The following EPB41 variants were observed in gnomAD, a reference collection of about 807,000 sequenced individuals.
EPB41 encodes the protein protein 4.1.
Under a neutral mutation model 108.0 loss-of-function variants are expected in EPB41, and 65 were observed. The observed-to-expected ratio is 0.60, with a 90% CI of 0.49 to 0.74. EPB41 has a LOEUF of 0.74. Ranked by LOEUF, EPB41 falls within the 30% of genes least tolerant of loss-of-function variation. The pLI, the probability that EPB41 is intolerant of heterozygous loss-of-function variation, is 0.00. For synonymous variants in EPB41, 336 were observed against 358.9 expected, an observed-to-expected ratio of 0.94 and a Z score of 0.72; for missense variants, 875 against 1,037.0, an observed-to-expected ratio of 0.84 and a Z score of 2.15.
At chr1:29,090,789 G>T (rs565600830) in intron 16 of EPB41, among the ~76,000 whole-genome samples, 1 of 152,204 alleles carries the variant, frequency 6.6e-6, no homozygotes, top group South Asian at 2.1e-4. Context: ...GGGGTGGGAA[G>T]CCCAGAGAGC....
At position 28,920,532 on chromosome 1, in the gene EPB41, G is replaced by A. The variant is rs146761153; in HGVS notation, c.-8+5764G>A. On this transcript the variant is annotated intron_variant, in intron 1 of 20. Coordinates refer to ENST00000343067, the MANE Select transcript of EPB41 (RefSeq NM_001376013.1). The stretch of plus-strand genomic sequence containing the variant: ...AAACTTTTGCCCATGCATTATATTT[G>A]TTATATCTGCATTAAATCATAAAAA... Among the ~76,000 whole-genome samples the A allele has an allele frequency of 5.9e-4, 90 of 152,232 alleles. 2 individuals are homozygous for A. In the East Asian group the frequency reaches 0.016, roughly 28 times the overall value.
At chr1:29,047,253 CT>C (rs755248112) in intron 11 of EPB41, among the ~76,000 whole-genome samples, 73 of 100,522 alleles carry the variant, frequency 7.3e-4, no homozygotes, top group South Asian at 4.1e-3. Flanking sequence ...TCTTTCTTTC[CT>C]TTTTTTTTTT....
At chr1:28,964,911 A>C (rs2149207419) in intron 1 of EPB41, among the ~76,000 whole-genome samples, 1 of 152,256 alleles carries the variant, frequency 6.6e-6, no homozygotes, top group South Asian at 2.1e-4. Context: ...TATCCTTTAA[A>C]GCTTAGCTCA....
intron 4 of EPB41, among the ~76,000 whole-genome samples, chr1:29,002,803 A>G (rs1021927984): frequency 6.6e-6 from 1 of 152,228 alleles, no homozygotes; most frequent in Non-Finnish European, 1.5e-5. Flanking sequence ...ATGGCAGAAC[A>G]GTGGGTTTTG....
At chr1:28,993,091 T>C (rs913454829) in intron 2 of EPB41, among the ~76,000 whole-genome samples, 1 of 152,154 alleles carries the variant, frequency 6.6e-6, no homozygotes, top group African/African-American at 2.4e-5. Flanking sequence ...TATCCTCCGG[T>C]TTACCTGAGA....
chr1:29,082,939 G>A (rs1016484599), intron 16 of EPB41, among the ~76,000 whole-genome samples: 4 of 152,112 alleles, frequency 2.6e-5, no homozygotes, highest in African/African-American at 9.7e-5. Flanking sequence ...AATTTCATTT[G>A]CTGTCCTTTG....
intron 16 of EPB41, among the ~76,000 whole-genome samples, chr1:29,085,375 T>C (rs967982737): frequency 6.6e-6 from 1 of 151,732 alleles, no homozygotes; most frequent in Non-Finnish European, 1.5e-5. Flanking sequence ...GAACTCCTGA[T>C]CTCAAATGAT....
intron 1 of EPB41, among the ~76,000 whole-genome samples, chr1:28,920,264 A>G (rs556989685): frequency 1.3e-5 from 2 of 152,330 alleles, no homozygotes; most frequent in East Asian, 3.9e-4. Flanking sequence ...TCTAATATCT[A>G]TTAATAGAGA....
At chr1:28,909,157 CA>C (rs35591255) in intron 1 of EPB41, among the ~76,000 whole-genome samples, 53 of 122,968 alleles carry the variant, frequency 4.3e-4, no homozygotes, top group Non-Finnish European at 5.6e-4. Context: ...GACTCCGTCT[CA>C]AAAAAAAAAA....
chr1:29,112,242 C>A, intron 18 of EPB41, 126 bp from the exon 19 acceptor site: 1 of 749,802 alleles, frequency 1.3e-6, no homozygotes, highest in Non-Finnish European at 2.3e-6. Flanking sequence ...CGCAAGCATT[C>A]CTCCTATCTC....
At chr1:29,009,345 A>G (rs942209295) in intron 4 of EPB41, among the ~76,000 whole-genome samples, 2 of 152,138 alleles carry the variant, frequency 1.3e-5, no homozygotes, top group African/African-American at 4.8e-5. Context: ...AGCAACAACA[A>G]TTTATTCTAC....
intron 11 of EPB41, among the ~76,000 whole-genome samples, chr1:29,049,809 T>C (rs1644173232): frequency 2.0e-5 from 3 of 152,326 alleles, no homozygotes; most frequent in Admixed American, 6.5e-5. Context: ...CCCTCAGATA[T>C]GGGAGATACT....
At chr1:28,917,057 C>G (rs1375867818) in intron 1 of EPB41, among the ~76,000 whole-genome samples, 3 of 152,102 alleles carry the variant, frequency 2.0e-5, no homozygotes, top group South Asian at 4.1e-4. Flanking sequence ...TCCCAAAGTG[C>G]TGGGATTACA....
chr1:29,055,883 G>C (rs1645287460), intron 12 of EPB41, among the ~76,000 whole-genome samples: 1 of 133,910 alleles, frequency 7.5e-6, no homozygotes, highest in African/African-American at 2.9e-5. Context: ...AGCTGAGATT[G>C]CGCCACTGCA....
intron 12 of EPB41, among the ~76,000 whole-genome samples, chr1:29,057,424 T>A (rs1645736161): frequency 6.7e-6 from 1 of 149,920 alleles, no homozygotes; most frequent in Non-Finnish European, 1.5e-5. Context: ...AAACCGTTAA[T>A]TACCCCTGGT....
At chr1:28,975,958 A>AGAAAG (rs1277328359) in intron 1 of EPB41, among the ~76,000 whole-genome samples, 3 of 140,100 alleles carry the variant, frequency 2.1e-5, no homozygotes, top group African/African-American at 7.9e-5. Flanking sequence ...AAAAAAAAAA[A>AGAAAG]AAAGAAAGAA....
At chr1:28,909,684 C>T (rs2092115184), upstream of EPB41, among the ~76,000 whole-genome samples, 1 of 152,000 alleles carries the variant, frequency 6.6e-6, no homozygotes, top group South Asian at 2.1e-4. Context: ...CCTGTAGTCC[C>T]AGCTACTCAG....
chr1:29,039,100 AAAT>A (rs2150420703), intron 10 of EPB41, among the ~76,000 whole-genome samples, 151 bp from the exon 11 acceptor site: 1 of 152,364 alleles, frequency 6.6e-6, no homozygotes, highest in Non-Finnish European at 1.5e-5. Context: ...CAAAGAACTA[AAAT>A]AATGATTACT....
intron 11 of EPB41, among the ~76,000 whole-genome samples, chr1:29,049,977 A>T (rs1644209796): frequency 6.6e-6 from 1 of 152,238 alleles, no homozygotes; most frequent in African/African-American, 2.4e-5. Flanking sequence ...ATTTTAAATG[A>T]GTGAACTGTG....
Sources: gnomAD v4.1 joint callset for allele counts (sites outside exome capture counted in the v4.1 genomes callset) on GRCh38, gnomAD v4.1.1 for gene constraint, MANE v1.5 for transcripts, NCBI Gene and HGNC (gene_info 2026-07-23, HGNC 2026-07-21) for gene names.